Variants in HMGB2 observed in about 807,000 individuals in gnomAD.
The protein encoded by HMGB2 is high mobility group protein B2.
HMGB2 carries 2 observed loss-of-function variants against 23.0 expected under a neutral mutation model. The ratio of observed to expected loss-of-function variants is 0.09; its 90% CI spans 0.04 to 0.27. HMGB2 has a LOEUF of 0.27. Ranked by LOEUF, HMGB2 falls within the 10% of genes least tolerant of loss-of-function variation. The pLI is 1.00. For synonymous variants in HMGB2, 99 were observed against 87.5 expected (o/e 1.13, Z -0.73); for missense variants, 178 against 256.5 (o/e 0.69, Z 2.09).
At chr4:173,332,608 G>A (rs994210352) in intron 4 of HMGB2, 2 of 533,936 alleles carry the variant, frequency 3.7e-6, no homozygotes. Flanking sequence ...GTAACTACAA[G>A]TCTGTCTGCA....
In HMGB2 at chr4:173,333,726, T is replaced by A. The variant is rs929855307; in HGVS notation, c.-20-57A>T. ...GGAGGGTCGGCGCGGAGCCCGCAGC[T>A]GCCAGGGCGGGCGCTGGCGGGGCTC... On this transcript the variant is annotated intron_variant, in intron 1 of 4. Coordinates refer to ENST00000296503, the MANE Select transcript of HMGB2 (RefSeq NM_002129.4). The surrounding 1 kb of genome is among the most constrained non-coding windows in gnomAD (Gnocchi z 4.6). 4.4e-6 allele frequency: 6 copies of A among 1,377,214 alleles called. No individual in the cohort carries two copies. Among genetic ancestry groups the A allele is most frequent in the Non-Finnish European group, 5.9e-6 (6 of 1,023,320 alleles). 85.3% of individuals were successfully genotyped at this position (1,377,214 alleles called of 1,614,324 possible).
At position 173,331,394 on chromosome 4, in the gene HMGB2, A is replaced by ATATATATATATATATATATATATATG. The variant is rs33987506; in HGVS notation, c.*685_*686insCATATATATATATATATATATATATA. 3.6e-5 allele frequency among the ~76,000 whole-genome samples: 5 copies of ATATATATATATATATATATATATATG among 138,872 alleles called. No individual in the cohort carries two copies. The highest frequency in any genetic ancestry group is 1.5e-4 in the African/African-American group (5 of 34,400). The allele number at this position is 138,872 out of a possible 152,430, so 91.1% of individuals were successfully genotyped here. A position where few individuals can be genotyped will look rare whatever the true frequency, so the allele number is the denominator to read the frequency against. ...TATATACATATATATATATATATAT[A>ATATATATATATATATATATATATATG]TGTATATATATATACACACACCTGA... On this transcript the variant is annotated 3_prime_UTR_variant, in exon 5 of 5. Transcript: ENST00000296503.
chr4:173,332,195 T>C lies in HMGB2; in HGVS notation c.515A>G (p.Lys172Arg). ...GCCTGTTGGCCTGCCAGGGCCCTTC[T>C]TTCCTGCTTCACTTTTGCCCTTGGC... ...YRAKGKSEAG[K>R]KGPGRPTGSK... The change falls in exon 5 of 5, where the codon AAG becomes AGG. Residue 172 changes from lysine to arginine, a missense_variant. This residue lies in a region of HMGB2 where 43 missense variants were observed against 103.3 expected (regional missense o/e 0.42). Coordinates refer to ENST00000296503, the MANE Select transcript of HMGB2 (RefSeq NM_002129.4). 6.2e-7 allele frequency: 1 copy of C among 1,609,662 alleles called. No homozygotes were observed. Among genetic ancestry groups the C allele is most frequent in the Non-Finnish European group, 8.5e-7 (1 of 1,178,108 alleles).
chr4:173,333,375 A>C lies in HMGB2; in HGVS notation c.150+125T>G, dbSNP rs566818339. On this transcript the variant is annotated intron_variant, in intron 2 of 4. Transcript: ENST00000296503. This position sits in a 1 kb window ranked among gnomAD's most constrained non-coding sequence, Gnocchi z 4.6. Reference sequence around the variant, plus strand: ...TAAAATCGTCTGCCTGGAACTCTTAAGATATTCAGGTGAGTCACTGGGGTG... The same window carrying C: ...TAAAATCGTCTGCCTGGAACTCTTACGATATTCAGGTGAGTCACTGGGGTG... 1 of 1,388,520 alleles carries C rather than the reference A, an allele frequency of 7.2e-7. No homozygotes were observed. Among genetic ancestry groups the C allele is most frequent in the East Asian group, 2.3e-5 (1 of 43,374 alleles). The allele number at this position is 1,388,520 out of a possible 1,614,324, so 86.0% of individuals were successfully genotyped here.
chr4:173,333,428 C>T lies in HMGB2; in HGVS notation c.150+72G>A. 2 of 1,542,688 alleles carry T rather than the reference C, an allele frequency of 1.3e-6. No homozygotes were observed. Among genetic ancestry groups the T allele is most frequent in the Non-Finnish European group, 1.8e-6 (2 of 1,138,716 alleles). On this transcript the variant is annotated intron_variant, in intron 2 of 4. Coordinates refer to ENST00000296503, the MANE Select transcript of HMGB2 (RefSeq NM_002129.4). This position sits in a 1 kb window ranked among gnomAD's most constrained non-coding sequence, Gnocchi z 4.6. ...AAAGTTGAAGCTCATGAGTTGCCTA[C>T]TACCTGCCTAAGGCCCTCCTAGCCG...
In HMGB2 at chr4:173,332,127, C is replaced by T; in HGVS notation, c.583G>A (p.Glu195Lys). 9 of 1,526,006 alleles carry T rather than the reference C, an allele frequency of 5.9e-6. No homozygotes were observed. The highest frequency in any genetic ancestry group is 8.1e-6 in the Non-Finnish European group (9 of 1,109,388). The allele number at this position is 1,526,006 out of a possible 1,614,324, so 94.5% of individuals were successfully genotyped here. The part of the protein sequence containing the change: ...NEPEDEEEEE[E>K]EEDEDEEEED... ...TCCTCCTCATCTTCATCTTCTTCTT[C>T]CTCCTCCTCCTCCTCATCTTCTGGT... Residue 195 changes from glutamate to lysine, a missense_variant, in exon 5 of 5, where the codon GAA (glutamate) becomes AAA (lysine). Physicochemically the swap from Glu to Lys is moderately conservative, Grantham distance 56. Coordinates refer to ENST00000296503, the MANE Select transcript of HMGB2 (RefSeq NM_002129.4).
chr4:173,333,509 C>T lies in HMGB2; in HGVS notation c.141G>A (p.Glu47=), dbSNP rs1738162063. 2.5e-6 allele frequency: 4 copies of T among 1,613,424 alleles called. No individual in the cohort carries two copies. Among genetic ancestry groups the T allele is most frequent in the South Asian group, 2.2e-5 (2 of 90,978 alleles). The change falls in exon 2 of 5, where the codon GAG becomes GAA. Residue 47 remains glutamate (E), a synonymous_variant. Transcript: ENST00000296503. This position sits in a 1 kb window ranked among gnomAD's most constrained non-coding sequence, Gnocchi z 4.6. ...CCCTCTCCTGCCTCACCTTCCATCT[C>T]TCCGAACACTTCTTGGAGAATTCCG... The part of the protein sequence containing the change: ...NFAEFSKKCS[E]RWKTMSAKEK...
rs1392787588 is a variant in HMGB2 at position 173,332,089 on chromosome 4, ATCT to A, written c.618_620del (p.Glu206del). ...ATTAAAGGATAGCCATTTATTCTTCATCTTCATCCTCTTCCTCCTCATCTTCAT... is the reference window on the plus strand; with the variant it reads ...ATTAAAGGATAGCCATTTATTCTTCATCATCCTCTTCCTCCTCATCTTCAT... On this transcript the variant is annotated inframe_deletion, in exon 5 of 5. Transcript: ENST00000296503. 1.2e-6 allele frequency: 2 copies of A among 1,613,414 alleles called. No homozygotes were observed. Among genetic ancestry groups the A allele is most frequent in the African/African-American group, 1.3e-5 (1 of 75,040 alleles).
rs1367458206 is a variant in HMGB2, at chr4:173,333,277, G to A, written c.151-63C>T. On this transcript the variant is annotated intron_variant, in intron 2 of 4. Coordinates refer to ENST00000296503, the MANE Select transcript of HMGB2 (RefSeq NM_002129.4). The surrounding 1 kb of genome is among the most constrained non-coding windows in gnomAD (Gnocchi z 4.6). ...TTGTTACCTATAAACATCCAAAGAC[G>A]ACAAGATCATCTTTAAGGACCACAT... The A allele has an allele frequency of 1.3e-5, 20 of 1,538,878 alleles. No individual in the cohort carries two copies. The highest frequency in any genetic ancestry group is 4.8e-5 in the South Asian group (4 of 82,918).
chr4:173,333,794 T>G lies in HMGB2; in HGVS notation c.-20-125A>C. The G allele has an allele frequency of 1.0e-5, 5 of 483,774 alleles. No individual in the cohort carries two copies. Among genetic ancestry groups the G allele is most frequent in the Non-Finnish European group, 5.6e-6 (2 of 357,732 alleles). The allele number at this position is 483,774 out of a possible 1,614,324, so 30.0% of individuals were successfully genotyped here. A position where few individuals can be genotyped will look rare whatever the true frequency, so the allele number is the denominator to read the frequency against. On this transcript the variant is annotated intron_variant, in intron 1 of 4. Transcript: ENST00000296503. The surrounding 1 kb of genome is among the most constrained non-coding windows in gnomAD (Gnocchi z 4.6). ...CGCTCCCGCCCTGCCCGCGCCCCCC[T>G]CCTCCCGAGGGCGTCCTCCCAAGGG...
In HMGB2 at chr4:173,332,059, G is replaced by T. The variant is rs200677168; in HGVS notation, c.*21C>A. ...CTGAGCACACACACACATTCCACACGCATCATTAAAGGATAGCCATTTATT... is the reference window on the plus strand; with the variant it reads ...CTGAGCACACACACACATTCCACACTCATCATTAAAGGATAGCCATTTATT... On this transcript the variant is annotated 3_prime_UTR_variant, in exon 5 of 5. Coordinates refer to ENST00000296503, the MANE Select transcript of HMGB2 (RefSeq NM_002129.4). 22 of 1,612,974 alleles carry T rather than the reference G, an allele frequency of 1.4e-5. No individual in the cohort carries two copies. The South Asian group carries it at 2.2e-4, about 16-fold the overall frequency.
chr4:173,333,883 G>A lies in HMGB2; in HGVS notation c.-20-214C>T, dbSNP rs950091026. 6.8e-6 allele frequency among the ~76,000 whole-genome samples: 1 copy of A among 147,080 alleles called. No homozygotes were observed. The highest frequency in any genetic ancestry group is 6.8e-5 in the Admixed American group (1 of 14,808). On this transcript the variant is annotated intron_variant, in intron 1 of 4. Coordinates refer to ENST00000296503, the MANE Select transcript of HMGB2 (RefSeq NM_002129.4). The surrounding 1 kb of genome is among the most constrained non-coding windows in gnomAD (Gnocchi z 4.6). The stretch of plus-strand genomic sequence containing the variant: ...CTCCTCCTCCTCCTCCTCCCGGCCC[G>A]AGCGGCCGCGGCTCAGCCCAGCAAG...
At position 173,332,028 on chromosome 4, in the gene HMGB2, A is replaced by T. The variant is rs1343233194; in HGVS notation, c.*52T>A. ...CTTGAATTCACATTCTTAGCAAAAT[A>T]ATTGCCTGAGCACACACACACATTC... On this transcript the variant is annotated 3_prime_UTR_variant, in exon 5 of 5. Transcript: ENST00000296503. The T allele has an allele frequency of 5.0e-6, 8 of 1,607,322 alleles. No individual in the cohort carries two copies. Among genetic ancestry groups the T allele is most frequent in the Non-Finnish European group, 6.8e-6 (8 of 1,177,696 alleles).
chr4:173,333,376 G>A lies in HMGB2; in HGVS notation c.150+124C>T, dbSNP rs142754748. 6 of 1,386,244 alleles carry A rather than the reference G, an allele frequency of 4.3e-6. No homozygotes were observed. The highest frequency in any genetic ancestry group is 4.2e-5 in the South Asian group (3 of 72,162). The allele number at this position is 1,386,244 out of a possible 1,614,324, so 85.9% of individuals were successfully genotyped here. A position where few individuals can be genotyped will look rare whatever the true frequency, so the allele number is the denominator to read the frequency against. ...AAAATCGTCTGCCTGGAACTCTTAA[G>A]ATATTCAGGTGAGTCACTGGGGTGG... On this transcript the variant is annotated intron_variant, in intron 2 of 4. Coordinates refer to ENST00000296503, the MANE Select transcript of HMGB2 (RefSeq NM_002129.4). This position sits in a 1 kb window ranked among gnomAD's most constrained non-coding sequence, Gnocchi z 4.6.
chr4:173,331,993 T>C lies in HMGB2; in HGVS notation c.*87A>G, dbSNP rs1236011672. On this transcript the variant is annotated 3_prime_UTR_variant, in exon 5 of 5. Coordinates refer to ENST00000296503, the MANE Select transcript of HMGB2 (RefSeq NM_002129.4). ...TACAGTTTTTATACTGAAGCTAGTA[T>C]TGAGCTGCACTTGAATTCACATTCT... 5.1e-6 allele frequency: 8 copies of C among 1,580,624 alleles called. No individual in the cohort carries two copies. The highest frequency in any genetic ancestry group is 6.9e-6 in the Non-Finnish European group (8 of 1,160,926).
chr4:173,332,363 C>A, intron 4 of HMGB2, 125 bp from the exon 5 acceptor site: 1 of 731,972 alleles, frequency 1.4e-6, no homozygotes, highest in South Asian at 2.0e-5. Context: ...GGTAACCAGT[C>A]TAAGTTTTTA....
In HMGB2 at chr4:173,331,394, A is replaced by ATATATATATATATGTG. The variant is rs33987506; in HGVS notation, c.*685_*686insCACATATATATATATA. 1.4e-5 allele frequency among the ~76,000 whole-genome samples: 2 copies of ATATATATATATATGTG among 138,878 alleles called. No homozygotes were observed. The highest frequency in any genetic ancestry group is 5.8e-5 in the African/African-American group (2 of 34,352). The allele number at this position is 138,878 out of a possible 152,430, so 91.1% of individuals were successfully genotyped here. A position where few individuals can be genotyped will look rare whatever the true frequency, so the allele number is the denominator to read the frequency against. On this transcript the variant is annotated 3_prime_UTR_variant, in exon 5 of 5. Coordinates refer to ENST00000296503, the MANE Select transcript of HMGB2 (RefSeq NM_002129.4). ...TATATACATATATATATATATATAT[A>ATATATATATATATGTG]TGTATATATATATACACACACCTGA...
In HMGB2 at chr4:173,331,377, T is replaced by TAC. The variant is rs1380712097; in HGVS notation, c.*702_*703insGT. On this transcript the variant is annotated 3_prime_UTR_variant, in exon 5 of 5. Transcript: ENST00000296503. ...ACGTATATATGTGTATATATATACATATATATATATATATATATGTATATA... is the reference window on the plus strand; with the variant it reads ...ACGTATATATGTGTATATATATACATACATATATATATATATATATGTATATA... 4.5e-5 allele frequency among the ~76,000 whole-genome samples: 6 copies of TAC among 134,156 alleles called. No individual in the cohort carries two copies. In the East Asian group the frequency reaches 6.1e-4, roughly 14 times the overall value. The allele number at this position is 134,156 out of a possible 152,430, so 88.0% of individuals were successfully genotyped here.
At position 173,331,546 on chromosome 4, in the gene HMGB2, C is replaced by T. The variant is rs1226569622; in HGVS notation, c.*534G>A. The T allele has an allele frequency of 1.3e-5, 2 of 151,474 alleles. No homozygotes were observed. Among genetic ancestry groups the T allele is most frequent in the East Asian group, 1.9e-4 (1 of 5,174 alleles). 9.4% of individuals were successfully genotyped at this position (151,474 alleles called of 1,614,324 possible). ...TTAAAGAACATTTTGCAAATATGAG[C>T]ATGTTTGGTTTTAATTCTCAAACAT... On this transcript the variant is annotated 3_prime_UTR_variant, in exon 5 of 5. Coordinates refer to ENST00000296503, the MANE Select transcript of HMGB2 (RefSeq NM_002129.4).
Sources: allele counts gnomAD v4.1 joint callset (sites outside exome capture counted in the v4.1 genomes callset), GRCh38; gene constraint gnomAD v4.1.1; regional missense constraint gnomAD v4.1.1; non-coding constraint Gnocchi (gnomAD v3.1); transcripts MANE v1.5; gene names NCBI Gene and HGNC (gene_info 2026-07-23, HGNC 2026-07-21).